The following KLF8 variants were observed in gnomAD, a reference collection of about 807,000 sequenced individuals.
The protein encoded by KLF8 is Krueppel-like factor 8.
In KLF8, 10 loss-of-function variants were observed where a neutral mutation model predicts 18.2. The observed-to-expected ratio is 0.55, with a 90% CI of 0.34 to 0.93. The LOEUF is 0.93. KLF8 is among the 40% of genes least tolerant of loss of function. The pLI is 0.02. For missense variants in KLF8, 264 were observed against 277.9 expected (o/e 0.95, Z 0.36); for synonymous variants, 109 against 97.3 (o/e 1.12, Z -0.71).
chrX:56,019,689 G>A, the KLF8 span, among the ~76,000 whole-genome samples: 4 of 112,106 alleles, frequency 3.6e-5, no homozygotes, highest in African/African-American at 1.3e-4. Context: ...TATGCATATA[G>A]AAGTAATAGT....
At chrX:56,012,076 G>A in the KLF8 span, among the ~76,000 whole-genome samples, 1 of 111,885 alleles carries the variant, frequency 8.9e-6, no homozygotes, top group Non-Finnish European at 1.9e-5. Flanking sequence ...GAATTGAAAA[G>A]GAGTGACCCC....
chrX:56,182,289 C>T, the KLF8 span, among the ~76,000 whole-genome samples: 2 of 112,378 alleles, frequency 1.8e-5, no homozygotes, highest in African/African-American at 3.2e-5. Flanking sequence ...ACGTAGTTCT[C>T]GTGCCAAGGT....
the KLF8 span, among the ~76,000 whole-genome samples, chrX:55,994,509 G>C: frequency 9.4e-6 from 1 of 105,984 alleles, no homozygotes; most frequent in Non-Finnish European, 1.9e-5. Context: ...TCCTCTATTT[G>C]TGATGTTACT....
chrX:56,055,608 C>T, the KLF8 span, among the ~76,000 whole-genome samples: 1 of 111,840 alleles, frequency 8.9e-6, no homozygotes, highest in Non-Finnish European at 1.9e-5. Context: ...GCGTTTTGGC[C>T]TCTCTAGCTA....
At chrX:56,054,713 G>A in the KLF8 span, among the ~76,000 whole-genome samples, 2 of 111,599 alleles carry the variant, frequency 1.8e-5, no homozygotes, top group African/African-American at 6.5e-5. Flanking sequence ...CTCACTGTGT[G>A]TGAGTCTACG....
the KLF8 span, among the ~76,000 whole-genome samples, chrX:56,185,965 A>G: frequency 1.8e-5 from 2 of 112,255 alleles, no homozygotes; most frequent in Non-Finnish European, 3.8e-5. Flanking sequence ...AACTGCATCA[A>G]CTAACGAGCA....
chrX:56,098,177 C>G, the KLF8 span, among the ~76,000 whole-genome samples: 7 of 111,916 alleles, frequency 6.3e-5, no homozygotes. Context: ...ATGCTGGCTC[C>G]CTTTCACCTT....
the KLF8 span, among the ~76,000 whole-genome samples, chrX:56,148,493 A>T: frequency 1.8e-5 from 2 of 111,798 alleles, no homozygotes; most frequent in African/African-American, 6.5e-5. Flanking sequence ...CTCCCTATGA[A>T]GTAGAAGTAG....
chrX:56,110,065 T>A, the KLF8 span, among the ~76,000 whole-genome samples: 1 of 111,447 alleles, frequency 9.0e-6, no homozygotes, highest in South Asian at 3.7e-4. Flanking sequence ...GTGAGTTTGC[T>A]GAGGATAATG....
At chrX:56,121,528 T>G in the KLF8 span, among the ~76,000 whole-genome samples, 1 of 112,433 alleles carries the variant, frequency 8.9e-6, no homozygotes, top group African/African-American at 3.2e-5. Context: ...GCTCAGTTCT[T>G]CTGACCCGGA....
the KLF8 span, among the ~76,000 whole-genome samples, chrX:56,094,180 A>C: frequency 9.1e-6 from 1 of 110,236 alleles, no homozygotes; most frequent in Admixed American, 9.7e-5. Flanking sequence ...CTCAGGGTAA[A>C]TTTAAAAAAC....
At chrX:56,251,076 T>G (rs1348061042) in intron 2 of KLF8, among the ~76,000 whole-genome samples, 1 of 112,864 alleles carries the variant, frequency 8.9e-6, no homozygotes, top group Admixed American at 9.4e-5. Flanking sequence ...ATCTGGGCAC[T>G]GTAGCCCAGC....
At chrX:56,007,718 G>GA in the KLF8 span, among the ~76,000 whole-genome samples, 1 of 110,814 alleles carries the variant, frequency 9.0e-6, no homozygotes, top group Non-Finnish European at 1.9e-5. Flanking sequence ...AACCATCTTT[G>GA]AAAAAAACGT....
At chrX:56,060,487 T>C in the KLF8 span, among the ~76,000 whole-genome samples, 4 of 112,205 alleles carry the variant, frequency 3.6e-5, no homozygotes, top group Non-Finnish European at 7.5e-5. Flanking sequence ...TTGGATTACA[T>C]TTATTAATTT....
the KLF8 span, among the ~76,000 whole-genome samples, chrX:56,123,410 C>A: frequency 6.3e-5 from 7 of 111,287 alleles, no homozygotes; most frequent in Non-Finnish European, 1.3e-4. Context: ...CCTCTAAACT[C>A]TTTAAGGTTG....
At chrX:56,134,903 T>C in the KLF8 span, among the ~76,000 whole-genome samples, 1 of 110,657 alleles carries the variant, frequency 9.0e-6, no homozygotes, top group East Asian at 2.8e-4. Context: ...CCGGCAAACA[T>C]ATGAAAAAAT....
At chrX:56,215,586 G>A in the KLF8 span, among the ~76,000 whole-genome samples, 1 of 108,539 alleles carries the variant, frequency 9.2e-6, no homozygotes, top group East Asian at 2.9e-4. Flanking sequence ...ACTTTGGGAG[G>A]CCGAGGCAGG....
chrX:56,045,614 T>G, the KLF8 span, among the ~76,000 whole-genome samples: 52 of 112,070 alleles, frequency 4.6e-4, no homozygotes, highest in South Asian at 7.4e-3. Context: ...CGTAGATGTC[T>G]TTCATGTCCT....
At chrX:56,188,904 A>C in the KLF8 span, among the ~76,000 whole-genome samples, 2 of 112,118 alleles carry the variant, frequency 1.8e-5, no homozygotes, top group South Asian at 3.7e-4. Context: ...TTAGACCTAA[A>C]ACCATAAAAA....
Sources: allele counts gnomAD v4.1 joint callset (sites outside exome capture counted in the v4.1 genomes callset), GRCh38; gene constraint gnomAD v4.1.1; transcripts MANE v1.5; gene names NCBI Gene and HGNC (gene_info 2026-07-23, HGNC 2026-07-21).